NALF1: variants seen among roughly 807,000 people sequenced by gnomAD.
NALF1 encodes family with sequence similarity 155 member A.
In NALF1, 3 loss-of-function variants were observed where a neutral mutation model predicts 48.4. The observed-to-expected ratio is 0.06, with a 90% CI of 0.03 to 0.16. The LOEUF is 0.16. NALF1 is among the 10% of genes least tolerant of loss of function. The pLI, the probability that NALF1 is intolerant of heterozygous loss-of-function variation, is 1.00. For missense variants in NALF1, 526 were observed against 571.5 expected (o/e 0.92, Z 0.81); for synonymous variants, 262 against 245.7 (o/e 1.07, Z -0.62).
At chr13:107,636,535 A>C (rs1879981663) in intron 1 of NALF1, among the ~76,000 whole-genome samples, 1 of 152,160 alleles carries the variant, frequency 6.6e-6, no homozygotes, top group Non-Finnish European at 1.5e-5. Context: ...ACTATTTCTA[A>C]TTCTAGCTTC....
chr13:107,800,237 G>A (rs574295325), intron 1 of NALF1, among the ~76,000 whole-genome samples: 5 of 152,228 alleles, frequency 3.3e-5, no homozygotes, highest in Non-Finnish European at 5.9e-5. Flanking sequence ...CCTGGCTGTC[G>A]TGAACATGAA....
intron 1 of NALF1, among the ~76,000 whole-genome samples, chr13:107,301,615 C>A (rs1477192769): frequency 6.6e-6 from 1 of 152,136 alleles, no homozygotes; most frequent in Middle Eastern, 3.4e-3. Flanking sequence ...ATGTCCTGAA[C>A]TAATTTTATT....
intron 1 of NALF1, among the ~76,000 whole-genome samples, chr13:107,757,034 T>C (rs775720327): frequency 1.3e-5 from 2 of 152,232 alleles, no homozygotes; most frequent in Non-Finnish European, 2.9e-5. Context: ...AAAAATTATA[T>C]GCAGATGTGA....
chr13:107,606,206 G>A (rs959845148), intron 1 of NALF1, among the ~76,000 whole-genome samples: 1 of 151,556 alleles, frequency 6.6e-6, no homozygotes, highest in African/African-American at 2.4e-5. Context: ...TAGTAGAAGT[G>A]GATCTGCTAC....
intron 1 of NALF1, among the ~76,000 whole-genome samples, chr13:107,641,033 AC>A (rs1200201519): frequency 6.6e-6 from 1 of 152,252 alleles, no homozygotes; most frequent in Non-Finnish European, 1.5e-5. Context: ...TAAATGGATA[AC>A]TAAAATATGG....
At chr13:107,611,564 A>C (rs1566414292) in intron 1 of NALF1, among the ~76,000 whole-genome samples, 2 of 152,150 alleles carry the variant, frequency 1.3e-5, no homozygotes, top group African/African-American at 2.4e-5. Flanking sequence ...TGTTATATTA[A>C]GTAAAATAGG....
chr13:107,221,520 C>T (rs886778119), intron 1 of NALF1, among the ~76,000 whole-genome samples: 9 of 152,050 alleles, frequency 5.9e-5, no homozygotes, highest in Non-Finnish European at 1.3e-4. Context: ...TCAGAAACTG[C>T]AGGGAGCCAA....
intron 1 of NALF1, among the ~76,000 whole-genome samples, chr13:107,831,400 A>T (rs1330388298): frequency 6.6e-6 from 1 of 152,220 alleles, no homozygotes; most frequent in Non-Finnish European, 1.5e-5. Context: ...AAGAAATAAT[A>T]TATTAAAATA....
intron 1 of NALF1, among the ~76,000 whole-genome samples, chr13:107,332,256 A>C (rs1882482369): frequency 6.6e-6 from 1 of 152,240 alleles, no homozygotes; most frequent in African/African-American, 2.4e-5. Flanking sequence ...CAAATCACCC[A>C]GCTTGCAGAA....
chr13:107,866,723 C>CTTTCTCTCTCT lies in NALF1; in HGVS notation c.-128_-127insAGAGAGAGAAA. On this transcript the variant is annotated 5_prime_UTR_variant, in exon 1 of 3. Coordinates refer to ENST00000375915, the MANE Select transcript of NALF1 (RefSeq NM_001080396.3). This position sits in a 1 kb window ranked among gnomAD's most constrained non-coding sequence, Gnocchi z 4.4. ...TCCTCCCGTTTCTTCTCTCTCCTCT[C>CTTTCTCTCTCT]TCTCTTTCTCTCTCTTCCCCTCTCC... is the stretch of plus-strand genomic sequence containing the variant. 1 of 601,784 alleles carries CTTTCTCTCTCT rather than the reference C, an allele frequency of 1.7e-6. No individual in the cohort carries two copies. Among genetic ancestry groups the CTTTCTCTCTCT allele is most frequent in the Non-Finnish European group, 2.8e-6 (1 of 355,970 alleles). 37.3% of individuals were successfully genotyped at this position (601,784 alleles called of 1,614,324 possible).
intron 1 of NALF1, among the ~76,000 whole-genome samples, chr13:107,269,286 T>A (rs768780384): frequency 1.4e-4 from 21 of 152,026 alleles, no homozygotes; most frequent in Non-Finnish European, 1.5e-4. Flanking sequence ...ATGATGGTGA[T>A]GTGGCTGGAG....
intron 1 of NALF1, among the ~76,000 whole-genome samples, chr13:107,355,568 TC>T (rs1193535470): frequency 6.6e-6 from 1 of 152,012 alleles, no homozygotes; most frequent in South Asian, 2.1e-4. Flanking sequence ...GGATCAGGCT[TC>T]CCCCTTGCTG....
At chr13:107,744,510 A>T (rs564195018) in intron 1 of NALF1, among the ~76,000 whole-genome samples, 2 of 152,378 alleles carry the variant, frequency 1.3e-5, no homozygotes, top group South Asian at 2.1e-4. Flanking sequence ...GCCTGGAATT[A>T]ACCATTATAG....
At chr13:107,669,129 C>T (rs1282416885) in intron 1 of NALF1, among the ~76,000 whole-genome samples, 1 of 151,948 alleles carries the variant, frequency 6.6e-6, no homozygotes, top group Non-Finnish European at 1.5e-5. Flanking sequence ...AATCTACATG[C>T]TGAACATTAC....
chr13:107,622,791 C>T (rs1477464516), intron 1 of NALF1, among the ~76,000 whole-genome samples: 1 of 152,060 alleles, frequency 6.6e-6, no homozygotes, highest in Admixed American at 6.6e-5. Context: ...AGACAATGAA[C>T]CCTTTAAGGA....
intron 1 of NALF1, among the ~76,000 whole-genome samples, chr13:107,678,826 C>T (rs1297375875): frequency 6.6e-6 from 1 of 152,148 alleles, no homozygotes; most frequent in African/African-American, 2.4e-5. Context: ...ATAGGGGAAA[C>T]CATCCCCATG....
chr13:107,743,923 A>C lies in NALF1; in HGVS notation c.915+121759T>G, dbSNP rs546952496. ...ATCATCAGAAAGTGCTTTAGAAAAA[A>C]ATGATCCTTTAGTTATGCAAAATAG... On this transcript the variant is annotated intron_variant, in intron 1 of 2. Transcript: ENST00000375915. 3.9e-5 allele frequency among the ~76,000 whole-genome samples: 6 copies of C among 152,312 alleles called. 1 individual carries two copies. In the East Asian group the frequency reaches 5.8e-4, roughly 15 times the overall value.
At chr13:107,535,449 C>A (rs1369651496) in intron 1 of NALF1, among the ~76,000 whole-genome samples, 1 of 151,956 alleles carries the variant, frequency 6.6e-6, no homozygotes, top group Non-Finnish European at 1.5e-5. Flanking sequence ...AACAGAGAGC[C>A]AAATCATGAG....
At chr13:107,623,557 T>G (rs1245347346) in intron 1 of NALF1, among the ~76,000 whole-genome samples, 1 of 152,086 alleles carries the variant, frequency 6.6e-6, no homozygotes, top group Non-Finnish European at 1.5e-5. Context: ...TTATATGAAA[T>G]ATAAGTAAAT....
Sources: allele counts gnomAD v4.1 joint callset (sites outside exome capture counted in the v4.1 genomes callset), GRCh38; gene constraint gnomAD v4.1.1; non-coding constraint Gnocchi (gnomAD v3.1); transcripts MANE v1.5; gene names NCBI Gene and HGNC (gene_info 2026-07-23, HGNC 2026-07-21).